Variants in CDK6 observed in about 807,000 individuals in gnomAD.
CDK6 encodes cyclin-dependent kinase 6.
In CDK6, 6 loss-of-function variants were observed where a neutral mutation model predicts 37.1. The ratio of observed to expected loss-of-function variants is 0.16; its 90% CI spans 0.09 to 0.32. The LOEUF (loss-of-function observed/expected upper bound fraction) is 0.32, where lower values mean the gene tolerates loss of function less well. CDK6 is among the 10% of genes least tolerant of loss of function. CDK6 has a pLI of 1.00. For synonymous variants in CDK6, 160 were observed against 161.3 expected (o/e 0.99, Z 0.06); for missense variants, 224 against 418.9 (o/e 0.53, Z 4.06).
rs1439737196 is a variant in CDK6, at chr7:92,671,415, G to A, written c.647+11C>T. ...CAAGGAAAGCAGAGTGAAACAAAAT[G>A]TATTTCTTACTTTCTACGAAACATT... On this transcript the variant is annotated intron_variant, in intron 5 of 7. Coordinates refer to ENST00000424848, the MANE Select transcript of CDK6 (RefSeq NM_001145306.2). 3.4e-6 allele frequency: 5 copies of A among 1,489,228 alleles called. No individual in the cohort carries two copies. The South Asian group carries it at 5.2e-5, about 15-fold the overall frequency. 92.3% of individuals were successfully genotyped at this position (1,489,228 alleles called of 1,614,324 possible).
chr7:92,627,716 A>C (rs533038588), intron 5 of CDK6, among the ~76,000 whole-genome samples: 1 of 152,182 alleles, frequency 6.6e-6, no homozygotes, highest in Non-Finnish European at 1.5e-5. Context: ...CTGTGGTGGT[A>C]GTGGTACAAC....
At chr7:92,807,286 T>A (rs1800750574) in intron 2 of CDK6, among the ~76,000 whole-genome samples, 1 of 152,114 alleles carries the variant, frequency 6.6e-6, no homozygotes, top group South Asian at 2.1e-4. Flanking sequence ...TCTATATCTA[T>A]ATGGAGACAT....
At chr7:92,820,772 A>C (rs1801152077) in intron 2 of CDK6, among the ~76,000 whole-genome samples, 1 of 152,168 alleles carries the variant, frequency 6.6e-6, no homozygotes, top group South Asian at 2.1e-4. Context: ...TTAAATATCA[A>C]GAACTAGAGC....
At chr7:92,646,461 G>A (rs532424710) in intron 5 of CDK6, among the ~76,000 whole-genome samples, 138 of 150,266 alleles carry the variant, frequency 9.2e-4, no homozygotes, top group African/African-American at 3.1e-3. Context: ...GCAGTGGCGC[G>A]ATCTCGGCTC....
chr7:92,639,182 A>G (rs2116530061), intron 5 of CDK6, among the ~76,000 whole-genome samples: 1 of 152,324 alleles, frequency 6.6e-6, no homozygotes, highest in South Asian at 2.1e-4. Flanking sequence ...CTGCCTCCTT[A>G]AAGTTCTTGA....
chr7:92,785,740 G>A (rs1800113950), intron 2 of CDK6, among the ~76,000 whole-genome samples: 2 of 152,180 alleles, frequency 1.3e-5, no homozygotes, highest in Admixed American at 1.3e-4. Flanking sequence ...CTGCAGTGAA[G>A]CAGAGGTCAG....
chr7:92,683,924 T>A (rs1168305725), intron 4 of CDK6, among the ~76,000 whole-genome samples: 4 of 152,220 alleles, frequency 2.6e-5, no homozygotes, highest in African/African-American at 9.6e-5. Context: ...ATAAGAACTG[T>A]TAAATACCAG....
intron 4 of CDK6, among the ~76,000 whole-genome samples, chr7:92,693,377 A>G (rs1289207554): frequency 6.6e-6 from 1 of 152,162 alleles, no homozygotes; most frequent in Non-Finnish European, 1.5e-5. Context: ...ATATGCCACA[A>G]GTTCTTTCAA....
At chr7:92,765,170 T>C (rs1799549885) in intron 3 of CDK6, among the ~76,000 whole-genome samples, 1 of 152,172 alleles carries the variant, frequency 6.6e-6, no homozygotes, top group Non-Finnish European at 1.5e-5. Flanking sequence ...ACTACAAAAT[T>C]ATTTTTTAGA....
chr7:92,759,697 C>CAAAAAAAAAAAAA (rs61188860), intron 3 of CDK6, among the ~76,000 whole-genome samples: 2 of 74,092 alleles, frequency 2.7e-5, no homozygotes, highest in South Asian at 5.4e-4. Flanking sequence ...GACTTTAAGG[C>CAAAAAAAAAAAAA]AAAAAAAAAA....
At chr7:92,644,117 C>A (rs1796384353) in intron 5 of CDK6, among the ~76,000 whole-genome samples, 1 of 152,216 alleles carries the variant, frequency 6.6e-6, no homozygotes, top group East Asian at 1.9e-4. Context: ...GTGGCACTCA[C>A]AACCAAAAGG....
intron 2 of CDK6, among the ~76,000 whole-genome samples, chr7:92,827,258 C>T (rs1174588705): frequency 6.6e-6 from 1 of 152,164 alleles, no homozygotes; most frequent in African/African-American, 2.4e-5. Flanking sequence ...TCTAATTCTA[C>T]TGAACTAAAT....
intron 5 of CDK6, among the ~76,000 whole-genome samples, chr7:92,667,848 G>A (rs999162279): frequency 3.3e-5 from 5 of 152,030 alleles, no homozygotes; most frequent in East Asian, 3.8e-4. Context: ...CACTGCACCC[G>A]GCCAAAAAAT....
intron 4 of CDK6, among the ~76,000 whole-genome samples, chr7:92,672,733 G>A (rs1797119551): frequency 6.6e-6 from 1 of 152,132 alleles, no homozygotes. Context: ...ATATTATTCA[G>A]ATCCCTTTTA....
intron 3 of CDK6, among the ~76,000 whole-genome samples, chr7:92,758,260 T>C (rs777658443): frequency 6.6e-6 from 1 of 152,178 alleles, no homozygotes; most frequent in Non-Finnish European, 1.5e-5. Flanking sequence ...GTTTTTATAG[T>C]TTTGGGTTTT....
chr7:92,809,281 T>G (rs1800812715), intron 2 of CDK6, among the ~76,000 whole-genome samples: 1 of 152,206 alleles, frequency 6.6e-6, no homozygotes, highest in African/African-American at 2.4e-5. Context: ...CAATGTTTTC[T>G]GAAAATTTTC....
Position 92,613,244 on chromosome 7 carries a change from A to C in CDK6, c.*1896T>G, listed in dbSNP as rs1188667913. 3 of 233,186 alleles carry C rather than the reference A, an allele frequency of 1.3e-5. No individual in the cohort carries two copies. The allele number at this position is 233,186 out of a possible 1,614,324, so 14.4% of individuals were successfully genotyped here. A position where few individuals can be genotyped will look rare whatever the true frequency, so the allele number is the denominator to read the frequency against. On this transcript the variant is annotated 3_prime_UTR_variant, in exon 8 of 8. Transcript: ENST00000424848. ...GTTTTTTCTCTTGTTCAAGATAGTC[A>C]TATATCACATTAAGCTGCAAAGAAT...
chr7:92,640,655 C>T (rs2116533800), intron 5 of CDK6, among the ~76,000 whole-genome samples: 1 of 152,296 alleles, frequency 6.6e-6, no homozygotes. Flanking sequence ...GTATTTCACA[C>T]ACATTTAATC....
At chr7:92,685,361 G>A (rs1797425910) in intron 4 of CDK6, among the ~76,000 whole-genome samples, 1 of 152,176 alleles carries the variant, frequency 6.6e-6, no homozygotes, top group Non-Finnish European at 1.5e-5. Flanking sequence ...TGCTGCATGC[G>A]TGTTGGGGGC....
Sources: allele counts gnomAD v4.1 joint callset (sites outside exome capture counted in the v4.1 genomes callset), GRCh38; gene constraint gnomAD v4.1.1; transcripts MANE v1.5; gene names NCBI Gene and HGNC (gene_info 2026-07-23, HGNC 2026-07-21).